Variants in CPVL observed in about 807,000 individuals in gnomAD.
The protein encoded by CPVL is carboxypeptidase vitellogenic like.
Under a neutral mutation model 63.7 loss-of-function variants are expected in CPVL, and 51 were observed. That is an observed-to-expected ratio of 0.80 (90% CI 0.64 to 1.01). The LOEUF (loss-of-function observed/expected upper bound fraction) is 1.01. Among genes scored for constraint, CPVL ranks in the 50% least tolerant of loss-of-function variants. The pLI, the probability that CPVL is intolerant of heterozygous loss-of-function variation, is 0.00. For synonymous variants in CPVL, 195 were observed against 206.0 expected (o/e 0.95, Z 0.46); for missense variants, 530 against 573.1 (o/e 0.92, Z 0.77).
intron 12 of CPVL, among the ~76,000 whole-genome samples, chr7:29,002,198 A>C (rs1386670681): frequency 6.6e-6 from 1 of 152,298 alleles, no homozygotes; most frequent in Non-Finnish European, 1.5e-5. Context: ...AGAAAACCCC[A>C]AAAGAAACAA....
At chr7:29,195,366 C>A, upstream of CPVL, 1 of 231,244 alleles carries the variant, frequency 4.3e-6, no homozygotes. Context: ...ACCTGTTTGC[C>A]GTGCCGCGCC....
chr7:29,097,408 G>A (rs892007152), intron 3 of CPVL, among the ~76,000 whole-genome samples: 5 of 152,184 alleles, frequency 3.3e-5, no homozygotes, highest in Non-Finnish European at 5.9e-5. Flanking sequence ...AAGAAATAAA[G>A]ACAAGGCTGG....
intron 6 of CPVL, among the ~76,000 whole-genome samples, chr7:29,087,101 G>C (rs1785277554): frequency 6.6e-6 from 1 of 151,994 alleles, no homozygotes; most frequent in Non-Finnish European, 1.5e-5. Flanking sequence ...TAGGCTCTGG[G>C]CTAAAAAAAA....
At chr7:29,017,556 C>G (rs1786537580) in intron 12 of CPVL, among the ~76,000 whole-genome samples, 2 of 152,192 alleles carry the variant, frequency 1.3e-5, no homozygotes, top group South Asian at 4.1e-4. Flanking sequence ...TCACTTGCAC[C>G]TGGGAGGTGG....
chr7:29,084,544 G>A (rs139572264), intron 7 of CPVL, among the ~76,000 whole-genome samples: 233 of 152,182 alleles, frequency 1.5e-3, no homozygotes, highest in Non-Finnish European at 1.8e-3. Flanking sequence ...TAGAATGTAG[G>A]GCATGGATTT....
chr7:29,111,394 G>T (rs1788210808), intron 3 of CPVL, among the ~76,000 whole-genome samples: 1 of 152,166 alleles, frequency 6.6e-6, no homozygotes, highest in African/African-American at 2.4e-5. Context: ...GAGGCACCAA[G>T]CAAGACACTG....
At chr7:28,997,598 A>G (rs1427000050) in intron 12 of CPVL, among the ~76,000 whole-genome samples, 3 of 152,324 alleles carry the variant, frequency 2.0e-5, no homozygotes, top group African/African-American at 7.2e-5. Flanking sequence ...TGACTGAGCT[A>G]TTTGGAATTA....
chr7:29,131,042 T>A (rs1456516767), intron 1 of CPVL, among the ~76,000 whole-genome samples: 2 of 152,186 alleles, frequency 1.3e-5, no homozygotes, highest in African/African-American at 4.8e-5. Context: ...TTTGCTCAAG[T>A]CAGTGTAGCT....
chr7:29,084,907 G>C (rs535866231), intron 7 of CPVL, among the ~76,000 whole-genome samples: 1 of 152,164 alleles, frequency 6.6e-6, no homozygotes, highest in African/African-American at 2.4e-5. Context: ...AACCATATTG[G>C]GCATATTGTA....
At chr7:29,105,807 C>G (rs1787664530) in intron 3 of CPVL, among the ~76,000 whole-genome samples, 1 of 152,158 alleles carries the variant, frequency 6.6e-6, no homozygotes, top group Non-Finnish European at 1.5e-5. Flanking sequence ...ACAGCCACAT[C>G]CTCAGTGTTG....
chr7:29,162,372 A>T (rs545087464), intron 5 of CPVL, among the ~76,000 whole-genome samples: 1 of 152,194 alleles, frequency 6.6e-6, no homozygotes, highest in Non-Finnish European at 1.5e-5. Flanking sequence ...TCTTAAGAAC[A>T]TTATGATGGC....
chr7:29,038,568 C>T (rs377540961), intron 11 of CPVL, among the ~76,000 whole-genome samples: 54 of 152,368 alleles, frequency 3.5e-4, no homozygotes, highest in African/African-American at 1.2e-3. Flanking sequence ...CCTGTATTTC[C>T]TCTCAGCCAC....
intron 11 of CPVL, among the ~76,000 whole-genome samples, chr7:29,046,376 G>A (rs899979810): frequency 6.6e-5 from 10 of 152,138 alleles, no homozygotes; most frequent in African/African-American, 1.9e-4. Flanking sequence ...CAGCCACCGC[G>A]CCCGACCAGG....
At chr7:29,149,738 C>T (rs557144291), upstream of CPVL, among the ~76,000 whole-genome samples, 19 of 152,176 alleles carry the variant, frequency 1.2e-4, no homozygotes, top group African/African-American at 4.3e-4. Context: ...GTTCTGGTAG[C>T]CCCAGGTGTT....
chr7:29,018,987 A>G (rs957754501), intron 12 of CPVL, among the ~76,000 whole-genome samples: 11 of 152,114 alleles, frequency 7.2e-5, no homozygotes, highest in African/African-American at 2.7e-4. Context: ...TGAGATTTAC[A>G]TTTTGTGTAT....
intron 7 of CPVL, among the ~76,000 whole-genome samples, chr7:29,073,595 A>G (rs1207941136): frequency 6.6e-6 from 1 of 152,192 alleles, no homozygotes; most frequent in Non-Finnish European, 1.5e-5. Flanking sequence ...CCTTTGGACC[A>G]GCCATTCCCT....
intron 12 of CPVL, among the ~76,000 whole-genome samples, chr7:29,021,083 T>G (rs1786919655): frequency 6.6e-6 from 1 of 151,920 alleles, no homozygotes; most frequent in Non-Finnish European, 1.5e-5. Flanking sequence ...GAGGCTGAGA[T>G]ATGACCTCAT....
At chr7:29,153,006 A>T (rs1233326586) in intron 5 of CPVL, among the ~76,000 whole-genome samples, 1 of 152,234 alleles carries the variant, frequency 6.6e-6, no homozygotes, top group Non-Finnish European at 1.5e-5. Flanking sequence ...CAGAGCTGGG[A>T]TGCACAGGGA....
chr7:29,149,553 T>C (rs986534456), upstream of CPVL, among the ~76,000 whole-genome samples: 1 of 152,138 alleles, frequency 6.6e-6, no homozygotes, highest in Admixed American at 6.5e-5. Context: ...CAGAACAGAA[T>C]AGAACCATAG....
Sources: allele counts gnomAD v4.1 joint callset (sites outside exome capture counted in the v4.1 genomes callset), GRCh38; gene constraint gnomAD v4.1.1; transcripts MANE v1.5; gene names NCBI Gene and HGNC (gene_info 2026-07-23, HGNC 2026-07-21).